CDYL2: variants seen among roughly 807,000 people sequenced by gnomAD.
CDYL2 encodes the protein chromodomain Y like 2.
A neutral mutation model predicts 49.4 loss-of-function variants in CDYL2; 23 were observed. That is an observed-to-expected ratio of 0.47 (90% confidence interval 0.34 to 0.66). CDYL2 has a LOEUF of 0.66. CDYL2 is among the 30% of genes least tolerant of loss of function. The probability of loss-of-function intolerance (pLI) is 0.01; values close to 1 mark genes in which losing one functional copy is unlikely to be tolerated. For missense variants in CDYL2, 678 were observed against 656.4 expected (o/e 1.03, Z -0.36); for synonymous variants, 360 against 268.8 (o/e 1.34, Z -3.32).
chr16:80,680,262 G>A (rs550264062), intron 2 of CDYL2, among the ~76,000 whole-genome samples: 10 of 152,308 alleles, frequency 6.6e-5, no homozygotes, highest in African/African-American at 2.2e-4. Context: ...TGTGTGAGAT[G>A]CAACGTCTGT....
In CDYL2 at chr16:80,787,028, C is replaced by A. The variant is rs139811798; in HGVS notation, c.24+17122G>T. On this transcript the variant is annotated intron_variant, in intron 1 of 6. Coordinates refer to ENST00000570137, the MANE Select transcript of CDYL2 (RefSeq NM_152342.4). ...GCACGTGCATACCTATGTAACAAAACTGCATATTCTGCACATGTAACCCAG... is the reference window on the plus strand; with the variant it reads ...GCACGTGCATACCTATGTAACAAAAATGCATATTCTGCACATGTAACCCAG... Among the ~76,000 whole-genome samples, 821 of 151,986 alleles carry A rather than the reference C, an allele frequency of 5.4e-3. 14 individuals are homozygous for A. Among genetic ancestry groups the A allele is most frequent in the African/African-American group, 0.019 (770 of 41,434 alleles).
intron 3 of CDYL2, among the ~76,000 whole-genome samples, chr16:80,630,812 T>A (rs1179324494): frequency 6.6e-6 from 1 of 152,090 alleles, no homozygotes; most frequent in African/African-American, 2.4e-5. Context: ...ATTTCAACCA[T>A]AATAATAATG....
intron 3 of CDYL2, among the ~76,000 whole-genome samples, chr16:80,623,466 G>A (rs1429088424): frequency 6.6e-6 from 1 of 152,168 alleles, no homozygotes; most frequent in African/African-American, 2.4e-5. Flanking sequence ...TCTGCCCCAA[G>A]CACTTTCAAA....
chr16:80,780,130 A>T (rs889295617), intron 1 of CDYL2, among the ~76,000 whole-genome samples: 2 of 152,152 alleles, frequency 1.3e-5, no homozygotes, highest in African/African-American at 4.8e-5. Context: ...AATTTTTTTT[A>T]ATCATGAAAA....
At chr16:80,736,612 G>C (rs550354892) in intron 1 of CDYL2, 13 of 152,258 alleles carry the variant, frequency 8.5e-5, no homozygotes, top group African/African-American at 2.6e-4. Context: ...AGTTCAAAAA[G>C]TAATCTCAGA....
intron 1 of CDYL2, among the ~76,000 whole-genome samples, chr16:80,753,539 T>C (rs962340093): frequency 3.3e-5 from 5 of 151,302 alleles, no homozygotes; most frequent in Admixed American, 1.3e-4. Context: ...ACTGGGGAGG[T>C]GAAGGTTGTG....
intron 1 of CDYL2, among the ~76,000 whole-genome samples, chr16:80,694,579 T>G (rs1910547463): frequency 6.6e-6 from 1 of 152,214 alleles, no homozygotes; most frequent in Admixed American, 6.5e-5. Flanking sequence ...TATAAACTCA[T>G]GTTTACTTTA....
chr16:80,637,314 G>C (rs1194922332), intron 2 of CDYL2, among the ~76,000 whole-genome samples: 3 of 152,172 alleles, frequency 2.0e-5, no homozygotes, highest in African/African-American at 7.2e-5. Context: ...ACTTAGCGGT[G>C]AGAAATGGAT....
Position 80,663,678 on chromosome 16 carries a change from C to T in CDYL2, c.616+20860G>A, listed in dbSNP as rs573396690. On this transcript the variant is annotated intron_variant, in intron 2 of 6. Coordinates refer to ENST00000570137, the MANE Select transcript of CDYL2 (RefSeq NM_152342.4). ...CATGATCTTGGCTCACTGCAACCTCCGCATCCTGGGTTCAAGTGATTCTCC... is the reference window on the plus strand; with the variant it reads ...CATGATCTTGGCTCACTGCAACCTCTGCATCCTGGGTTCAAGTGATTCTCC... Among the ~76,000 whole-genome samples, 191 of 152,170 alleles carry T rather than the reference C, an allele frequency of 1.3e-3. 1 individual carries two copies. Among genetic ancestry groups the T allele is most frequent in the African/African-American group, 4.5e-3 (188 of 41,512 alleles).
intron 2 of CDYL2, among the ~76,000 whole-genome samples, chr16:80,660,623 T>C (rs926271737): frequency 6.6e-6 from 1 of 152,166 alleles, no homozygotes; most frequent in African/African-American, 2.4e-5. Flanking sequence ...ATAATCCAAA[T>C]ATCTCAATAA....
intron 1 of CDYL2, among the ~76,000 whole-genome samples, chr16:80,766,410 C>T (rs955331707): frequency 2.6e-5 from 4 of 152,146 alleles, no homozygotes; most frequent in Non-Finnish European, 5.9e-5. Context: ...CTAAAATTTA[C>T]TGAAGGCTGA....
intron 1 of CDYL2, among the ~76,000 whole-genome samples, chr16:80,758,427 G>A (rs996480408): frequency 6.6e-6 from 1 of 151,926 alleles, no homozygotes; most frequent in African/African-American, 2.4e-5. Flanking sequence ...TAATTTCGAA[G>A]TAAGAATCAA....
rs1249042721 is a variant in CDYL2 at position 80,609,287 on chromosome 16, G to A, written c.1219-1052C>T. Among the ~76,000 whole-genome samples the A allele has an allele frequency of 1.4e-4, 22 of 152,146 alleles. 1 individual carries two copies. Among genetic ancestry groups the A allele is most frequent in the Admixed American group, 1.3e-3 (20 of 15,280 alleles). On this transcript the variant is annotated intron_variant, in intron 5 of 6. Transcript: ENST00000570137. ...CAAATCCATGTGATAGGGTCCGCACGGCCGGCAACGCCTTCCCCACCTGCT... is the reference window on the plus strand; with the variant it reads ...CAAATCCATGTGATAGGGTCCGCACAGCCGGCAACGCCTTCCCCACCTGCT...
At chr16:80,670,889 G>C (rs1909475137) in intron 2 of CDYL2, 2 of 455,940 alleles carry the variant, frequency 4.4e-6, no homozygotes, top group Admixed American at 4.7e-5. Flanking sequence ...TTGCGCACGA[G>C]GAAGATAAAA....
At chr16:80,739,652 G>A (rs1385719562) in intron 1 of CDYL2, among the ~76,000 whole-genome samples, 2 of 152,096 alleles carry the variant, frequency 1.3e-5, no homozygotes, top group Non-Finnish European at 2.9e-5. Context: ...ATCCTGCTCT[G>A]CCATCCACAC....
chr16:80,615,295 G>C (rs989782788), intron 4 of CDYL2, among the ~76,000 whole-genome samples: 1 of 152,110 alleles, frequency 6.6e-6, no homozygotes, highest in Non-Finnish European at 1.5e-5. Context: ...AAAGCAATTT[G>C]GGGTCTGCGG....
rs1290450636 is a variant in CDYL2 at position 80,612,163 on chromosome 16, G to C, written c.1218+463C>G. Among the ~76,000 whole-genome samples, 1 of 152,208 alleles carries C rather than the reference G, an allele frequency of 6.6e-6. No homozygotes were observed. The highest frequency in any genetic ancestry group is 1.5e-5 in the Non-Finnish European group (1 of 68,030). ...CGCCCCTGCCGGCCTGGCCCATGAA[G>C]CCCTCCAGGGTGATGCTTCTGGCTC... is the stretch of plus-strand genomic sequence containing the variant. On this transcript the variant is annotated intron_variant, in intron 5 of 6. Transcript: ENST00000570137. The surrounding 1 kb of genome is among the most constrained non-coding windows in gnomAD (Gnocchi z 5.0).
intron 3 of CDYL2, among the ~76,000 whole-genome samples, chr16:80,622,016 G>C (rs888597081): frequency 1.3e-5 from 2 of 152,200 alleles, no homozygotes; most frequent in Non-Finnish European, 1.5e-5. Context: ...CCAGGAAACA[G>C]ATGCCTAGAG....
chr16:80,677,262 C>A (rs1176535570), intron 2 of CDYL2, among the ~76,000 whole-genome samples: 1 of 152,146 alleles, frequency 6.6e-6, no homozygotes, highest in Non-Finnish European at 1.5e-5. Flanking sequence ...TGAGCCACCA[C>A]TCCTGGCCCA....
Sources: gnomAD v4.1 joint callset for allele counts (sites outside exome capture counted in the v4.1 genomes callset) on GRCh38, gnomAD v4.1.1 for gene constraint, Gnocchi (gnomAD v3.1) non-coding constraint, MANE v1.5 for transcripts, NCBI Gene and HGNC (gene_info 2026-07-23, HGNC 2026-07-21) for gene names.